Variants in ACTA2 observed in about 807,000 individuals in gnomAD.
ACTA2 encodes the protein actin, aortic smooth muscle.
Under a neutral mutation model 39.5 loss-of-function variants are expected in ACTA2, and 12 were observed. The ratio of observed to expected loss-of-function variants is 0.30; its 90% CI spans 0.19 to 0.49. The LOEUF (loss-of-function observed/expected upper bound fraction) is 0.49. Ranked by LOEUF, ACTA2 falls within the 20% of genes least tolerant of loss-of-function variation. ACTA2 has a pLI of 0.99. For synonymous variants in ACTA2, 158 were observed against 180.6 expected (o/e 0.88, Z 1.00); for missense variants, 236 against 498.8 (o/e 0.47, Z 5.02).
chr10:88,986,593 C>T (rs1482841823), intron 1 of ACTA2, among the ~76,000 whole-genome samples: 1 of 152,028 alleles, frequency 6.6e-6, no homozygotes, highest in Non-Finnish European at 1.5e-5. Context: ...CTTTAGGACA[C>T]TTTTCTTAGG....
chr10:88,944,497 G>A (rs766716819), intron 3 of ACTA2, among the ~76,000 whole-genome samples: 30 of 152,138 alleles, frequency 2.0e-4, no homozygotes, highest in African/African-American at 3.1e-4. Context: ...AATAAATGAC[G>A]CTTACTTGAA....
At chr10:88,989,399 A>C (rs953422757) in intron 1 of ACTA2, 1 of 428,756 alleles carries the variant, frequency 2.3e-6, no homozygotes, top group Non-Finnish European at 4.6e-6. Context: ...ATTTCAAAAA[A>C]TTTGCAGAGA....
chr10:88,939,628 C>A lies in ACTA2; in HGVS notation c.687G>T (p.Met229Ile). 1 of 1,614,066 alleles carries A rather than the reference C, an allele frequency of 6.2e-7. No individual in the cohort carries two copies. The highest frequency in any genetic ancestry group is 1.7e-4 in the Middle Eastern group (1 of 6,060). The change falls in exon 7 of 9, where the codon ATG becomes ATT. Residue 229 changes from methionine (M) to isoleucine (I), a missense_variant. Transcript: ENST00000224784. ...CYVALDFENE[M>I]ATAASSSSLE... ...GGGAGGATGAGGATGCGGCAGTGGC[C>A]ATCTCATTTTCAAAGTCCAGAGCTA...
intron 1 of ACTA2, among the ~76,000 whole-genome samples, chr10:88,959,300 C>T (rs934690963): frequency 6.6e-6 from 1 of 152,180 alleles, no homozygotes; most frequent in Non-Finnish European, 1.5e-5. Context: ...TCCCAATGCA[C>T]AGGCTACACT....
intron 1 of ACTA2, among the ~76,000 whole-genome samples, chr10:88,969,621 C>G (rs74147450): frequency 0.033 from 4,949 of 152,124 alleles, 278 homozygotes; most frequent in African/African-American, 0.11. Context: ...GTTTCTGGCT[C>G]TCTGGGATGA....
chr10:88,983,083 G>C (rs1242361165), intron 1 of ACTA2, among the ~76,000 whole-genome samples: 2 of 152,192 alleles, frequency 1.3e-5, no homozygotes, highest in Non-Finnish European at 2.9e-5. Context: ...TTGACAGGTA[G>C]TTTATATCCA....
Position 88,987,112 on chromosome 10 carries a change from G to A in ACTA2, c.-24+3827C>T, listed in dbSNP as rs559014352. On this transcript the variant is annotated intron_variant, in intron 1 of 4. Transcript: ENST00000415557. ...TAATTGGTAGAAATAATTATTAATAGACTTTGTCACTTGGCCACTGTGGGC... is the reference window on the plus strand; with the variant it reads ...TAATTGGTAGAAATAATTATTAATAAACTTTGTCACTTGGCCACTGTGGGC... Among the ~76,000 whole-genome samples, 7 of 152,246 alleles carry A rather than the reference G, an allele frequency of 4.6e-5. No homozygotes were observed. The South Asian group carries it at 1.4e-3, about 32-fold the overall frequency.
In ACTA2 at chr10:88,990,385, C is replaced by T; in HGVS notation, c.-24+554G>A. 1 of 428,690 alleles carries T rather than the reference C, an allele frequency of 2.3e-6. No individual in the cohort carries two copies. The highest frequency in any genetic ancestry group is 3.4e-5 in the Admixed American group (1 of 29,816). The allele number at this position is 428,690 out of a possible 1,614,324, so 26.6% of individuals were successfully genotyped here. A position where few individuals can be genotyped will look rare whatever the true frequency, so the allele number is the denominator to read the frequency against. On this transcript the variant is annotated intron_variant, in intron 1 of 4. Transcript: ENST00000415557. This position sits in a 1 kb window ranked among gnomAD's most constrained non-coding sequence, Gnocchi z 4.9. The stretch of plus-strand genomic sequence containing the variant: ...CCCAACTTCCCAGGTTGAACTACAG[C>T]AGAAGCCTTTAGAAAGGGCAGGAGG...
At chr10:88,962,910 CCCATATATATAT>C (rs1846250241) in intron 1 of ACTA2, among the ~76,000 whole-genome samples, 3 of 89,510 alleles carry the variant, frequency 3.4e-5, no homozygotes, top group Non-Finnish European at 4.3e-5. Context: ...AGGGGAATGC[CCCATATATATAT>C]ATATATATAT....
chr10:88,971,176 G>T (rs1389242183), intron 1 of ACTA2, among the ~76,000 whole-genome samples: 4 of 152,188 alleles, frequency 2.6e-5, no homozygotes, highest in Non-Finnish European at 5.9e-5. Context: ...GGAAAAGGCA[G>T]ATATTTTTCT....
At chr10:88,953,010 C>G (rs59597720), upstream of ACTA2, among the ~76,000 whole-genome samples, 4,345 of 152,370 alleles carry the variant, frequency 0.029, 101 homozygotes, top group South Asian at 0.084. Context: ...GAGATAAACA[C>G]GCCAAGCCTT....
intron 1 of ACTA2, chr10:88,974,696 C>A (rs1846524265): frequency 6.6e-6 from 1 of 152,112 alleles, no homozygotes; most frequent in South Asian, 2.1e-4. Flanking sequence ...TGAATTCCAC[C>A]AGATCATTGA....
At chr10:88,972,382 G>A (rs941509300) in intron 1 of ACTA2, among the ~76,000 whole-genome samples, 3 of 152,244 alleles carry the variant, frequency 2.0e-5, no homozygotes, top group East Asian at 1.9e-4. Context: ...GGAGTTTTGA[G>A]AACAGGGAGT....
At chr10:88,962,517 G>A (rs1589409380) in intron 1 of ACTA2, among the ~76,000 whole-genome samples, 1 of 152,272 alleles carries the variant, frequency 6.6e-6, no homozygotes, top group East Asian at 1.9e-4. Context: ...CAGCTTCTTA[G>A]ATGTGGTTCT....
chr10:88,945,115 G>C (rs572830816), intron 3 of ACTA2, among the ~76,000 whole-genome samples: 1 of 152,120 alleles, frequency 6.6e-6, no homozygotes, highest in African/African-American at 2.4e-5. Context: ...CTCTCTCTTC[G>C]TCCCCACCAG....
At chr10:88,962,918 T>C (rs1193228937) in intron 1 of ACTA2, among the ~76,000 whole-genome samples, 3 of 868 alleles carry the variant, frequency 3.5e-3, no homozygotes, top group Non-Finnish European at 6.1e-3. Flanking sequence ...GCCCCATATA[T>C]ATATATATAT....
chr10:88,955,827 A>G (rs1846129521), upstream of ACTA2, among the ~76,000 whole-genome samples: 1 of 152,200 alleles, frequency 6.6e-6, no homozygotes, highest in Admixed American at 6.5e-5. Context: ...AACATTTTGG[A>G]TCAATACACG....
chr10:88,962,365 C>T (rs1002471395), intron 1 of ACTA2, among the ~76,000 whole-genome samples: 4 of 152,120 alleles, frequency 2.6e-5, no homozygotes, highest in Non-Finnish European at 5.9e-5. Flanking sequence ...CCTGACAACC[C>T]AACCTACAGT....
intron 1 of ACTA2, among the ~76,000 whole-genome samples, chr10:88,975,585 T>C (rs1316077265): frequency 6.6e-6 from 1 of 151,822 alleles, no homozygotes. Context: ...GCTCTGGGCT[T>C]AGGAAAATGG....
Sources: allele counts gnomAD v4.1 joint callset (sites outside exome capture counted in the v4.1 genomes callset), GRCh38; gene constraint gnomAD v4.1.1; non-coding constraint Gnocchi (gnomAD v3.1); transcripts MANE v1.5; gene names NCBI Gene and HGNC (gene_info 2026-07-23, HGNC 2026-07-21).